Variants in THSD7B observed in about 807,000 individuals in gnomAD.
The protein encoded by THSD7B is thrombospondin type 1 domain containing 7B, also known as thrombospondin type-1 domain-containing protein 7B.
THSD7B carries 138 observed loss-of-function variants against 213.6 expected under a neutral mutation model. The observed-to-expected ratio is 0.65, with a 90% confidence interval of 0.56 to 0.74. The LOEUF is 0.74. Among genes scored for constraint, THSD7B ranks in the 30% least tolerant of loss-of-function variants. The probability of loss-of-function intolerance (pLI) is 0.00; values close to 1 mark genes in which losing one functional copy is unlikely to be tolerated. For missense variants in THSD7B, 1,931 were observed against 1,991.5 expected, an observed-to-expected ratio of 0.97 and a Z score of 0.58; for synonymous variants, 742 against 687.0, an observed-to-expected ratio of 1.08 and a Z score of -1.25.
At chr2:136,820,454 G>T (rs1370269134) in intron 1 of THSD7B, among the ~76,000 whole-genome samples, 1 of 152,208 alleles carries the variant, frequency 6.6e-6, no homozygotes, top group Non-Finnish European at 1.5e-5. Context: ...TGCCACAAAT[G>T]CAAGGAAACA....
intron 2 of THSD7B, among the ~76,000 whole-genome samples, chr2:136,984,404 G>T (rs1685636551): frequency 6.6e-6 from 1 of 152,184 alleles, no homozygotes; most frequent in Non-Finnish European, 1.5e-5. Flanking sequence ...CAGTTATTTT[G>T]TGTGAGATCT....
intron 15 of THSD7B, among the ~76,000 whole-genome samples, chr2:137,476,891 T>G (rs1340133850): frequency 1.3e-5 from 2 of 152,214 alleles, no homozygotes; most frequent in East Asian, 3.9e-4. Context: ...AGATATGATC[T>G]TGATTTTTTA....
At chr2:137,413,731 G>A (rs1240568568) in intron 14 of THSD7B, among the ~76,000 whole-genome samples, 1 of 152,118 alleles carries the variant, frequency 6.6e-6, no homozygotes, top group Admixed American at 6.6e-5. Context: ...GACAAGCCAA[G>A]GAATATGAAT....
intron 2 of THSD7B, among the ~76,000 whole-genome samples, chr2:136,888,349 T>C (rs1683755039): frequency 1.3e-5 from 2 of 152,124 alleles, no homozygotes; most frequent in African/African-American, 2.4e-5. Flanking sequence ...GAATAAAGTA[T>C]CTTACATATA....
At chr2:137,521,942 A>G (rs1680192476) in intron 15 of THSD7B, among the ~76,000 whole-genome samples, 1 of 152,154 alleles carries the variant, frequency 6.6e-6, no homozygotes, top group African/African-American at 2.4e-5. Flanking sequence ...TTTTAGCACA[A>G]GATACCCAGT....
At chr2:137,404,506 C>CACACACAT (rs1243439493) in intron 12 of THSD7B, among the ~76,000 whole-genome samples, 2 of 117,880 alleles carry the variant, frequency 1.7e-5, no homozygotes, top group African/African-American at 6.1e-5. Flanking sequence ...CACACACACA[C>CACACACAT]ATATATGTAT....
At chr2:137,356,265 T>G (rs955567480) in intron 12 of THSD7B, among the ~76,000 whole-genome samples, 4 of 152,226 alleles carry the variant, frequency 2.6e-5, no homozygotes, top group Non-Finnish European at 4.4e-5. Flanking sequence ...CAGGGCTACT[T>G]TCATGATCCA....
chr2:137,471,409 A>G (rs538417807), intron 15 of THSD7B, among the ~76,000 whole-genome samples: 79 of 152,134 alleles, frequency 5.2e-4, no homozygotes, highest in African/African-American at 1.8e-3. Flanking sequence ...CTTCATAACT[A>G]CCCAGAAAGC....
At chr2:137,105,719 A>G (rs1688235232) in intron 4 of THSD7B, among the ~76,000 whole-genome samples, 1 of 152,240 alleles carries the variant, frequency 6.6e-6, no homozygotes, top group South Asian at 2.1e-4. Context: ...AGGATACAAA[A>G]TCAATGTGCA....
rs185610686 is a variant in THSD7B at position 137,182,806 on chromosome 2, A to G, written c.1723+11868A>G. Among the ~76,000 whole-genome samples the G allele has an allele frequency of 1.5e-4, 23 of 152,062 alleles. No individual in the cohort carries two copies. In the East Asian group the frequency reaches 4.5e-3, roughly 29 times the overall value. On this transcript the variant is annotated intron_variant, in intron 7 of 27. Coordinates refer to ENST00000409968, the MANE Select transcript of THSD7B (RefSeq NM_001316349.2). The stretch of plus-strand genomic sequence containing the variant: ...ACTGTGTATCACTCCTAATTTCTCC[A>G]CTTGCTAGGTGTGTGACTTTGAGAA...
rs547835030 is a variant in THSD7B at position 137,272,617 on chromosome 2, A to C, written c.2351A>C (p.Tyr784Ser). 5 of 1,612,250 alleles carry C rather than the reference A, an allele frequency of 3.1e-6. No homozygotes were observed. The highest frequency in any genetic ancestry group is 3.4e-6 in the Non-Finnish European group (4 of 1,178,994). Residue 784 changes from tyrosine (Y) to serine (S), a missense_variant, in exon 11 of 28, where the codon TAT becomes TCT. By Grantham distance (144) the Tyr-to-Ser change is moderately radical. Coordinates refer to ENST00000409968, the MANE Select transcript of THSD7B (RefSeq NM_001316349.2). The stretch of plus-strand genomic sequence containing the variant: ...GGCCAGGAATGCCCAGATACCTTAT[A>C]TGAGGAGAGAGAGTGTGAAGATGTT... ...NGGQECPDTL[Y>S]EERECEDVSL...
chr2:137,493,228 C>T (rs981023678), intron 15 of THSD7B, among the ~76,000 whole-genome samples: 3 of 150,728 alleles, frequency 2.0e-5, no homozygotes, highest in Non-Finnish European at 4.4e-5. Context: ...CATAGTATTC[C>T]TTGAATCTTT....
At chr2:137,009,760 G>A (rs1253603135) in intron 2 of THSD7B, among the ~76,000 whole-genome samples, 1 of 152,114 alleles carries the variant, frequency 6.6e-6, no homozygotes, top group Non-Finnish European at 1.5e-5. Flanking sequence ...CCCACAACAT[G>A]TGGGAATTAT....
chr2:136,875,843 T>A (rs1442516734), intron 1 of THSD7B, among the ~76,000 whole-genome samples: 6 of 152,234 alleles, frequency 3.9e-5, no homozygotes, highest in African/African-American at 1.2e-4. Flanking sequence ...GGAATTAAAA[T>A]TCAAAGATAG....
chr2:136,916,950 A>G (rs1320169721), intron 2 of THSD7B, among the ~76,000 whole-genome samples: 2 of 152,188 alleles, frequency 1.3e-5, no homozygotes, highest in Admixed American at 1.3e-4. Flanking sequence ...ACACAATTAG[A>G]GCCACTCAGC....
intron 12 of THSD7B, among the ~76,000 whole-genome samples, chr2:137,298,253 T>C (rs1319300738): frequency 1.3e-5 from 2 of 152,104 alleles, no homozygotes; most frequent in African/African-American, 4.8e-5. Context: ...GCCCTAGAGA[T>C]TTGTGGAACT....
intron 7 of THSD7B, among the ~76,000 whole-genome samples, chr2:137,206,172 C>A (rs2105028899): frequency 6.6e-6 from 1 of 151,926 alleles, no homozygotes; most frequent in Non-Finnish European, 1.5e-5. Context: ...TTGACTGCTG[C>A]ATGTAGTCAT....
intron 5 of THSD7B, among the ~76,000 whole-genome samples, chr2:137,119,020 C>A (rs1270308190): frequency 6.6e-6 from 1 of 152,126 alleles, no homozygotes; most frequent in Non-Finnish European, 1.5e-5. Context: ...CAATTATCTC[C>A]CACTGGGTCC....
chr2:137,357,901 G>C (rs1380471042), intron 12 of THSD7B, among the ~76,000 whole-genome samples: 1 of 152,202 alleles, frequency 6.6e-6, no homozygotes, highest in African/African-American at 2.4e-5. Flanking sequence ...TAAGTGAAGA[G>C]TGAGGCTTTG....
Sources: allele counts gnomAD v4.1 joint callset (sites outside exome capture counted in the v4.1 genomes callset), GRCh38; gene constraint gnomAD v4.1.1; transcripts MANE v1.5; gene names NCBI Gene and HGNC (gene_info 2026-07-23, HGNC 2026-07-21).